Variants in SORCS2 observed in about 807,000 individuals in gnomAD.
SORCS2 encodes the protein sortilin related VPS10 domain containing receptor 2.
A neutral mutation model predicts 141.6 loss-of-function variants in SORCS2; 100 were observed. The ratio of observed to expected loss-of-function variants is 0.71; its 90% confidence interval spans 0.60 to 0.83. SORCS2 has a LOEUF of 0.83. SORCS2 is among the 40% of genes least tolerant of loss of function. The pLI is 0.00. For missense variants in SORCS2, 1,646 were observed against 1,560.2 expected (o/e 1.05, Z -0.93); for synonymous variants, 789 against 676.9 (o/e 1.17, Z -2.57).
intron 2 of SORCS2, among the ~76,000 whole-genome samples, chr4:7,524,640 C>T (rs562783193): frequency 1.1e-4 from 16 of 151,580 alleles, no homozygotes; most frequent in Admixed American, 9.2e-4. Context: ...AGAATAATGG[C>T]CAGATAAGCA....
chr4:7,315,223 A>G (rs1456132430), intron 1 of SORCS2, among the ~76,000 whole-genome samples: 1 of 152,200 alleles, frequency 6.6e-6, no homozygotes, highest in Admixed American at 6.5e-5. Flanking sequence ...CAGCCTCTGC[A>G]GCCCCTGGTT....
chr4:7,443,149 A>T (rs1727783049), intron 2 of SORCS2, among the ~76,000 whole-genome samples: 1 of 152,208 alleles, frequency 6.6e-6, no homozygotes, highest in Non-Finnish European at 1.5e-5. Context: ...CTAGCTCCAA[A>T]TTATGTCAGA....
intron 1 of SORCS2, among the ~76,000 whole-genome samples, chr4:7,351,178 T>C (rs938316254): frequency 2.0e-5 from 3 of 152,216 alleles, no homozygotes; most frequent in Non-Finnish European, 2.9e-5. Flanking sequence ...CTCTGCTGCC[T>C]GAGTCACTGT....
At chr4:7,318,150 T>C (rs1167195622) in intron 1 of SORCS2, among the ~76,000 whole-genome samples, 1 of 152,224 alleles carries the variant, frequency 6.6e-6, no homozygotes, top group East Asian at 1.9e-4. Flanking sequence ...TTTGCATATA[T>C]ACTTGGTTTG....
intron 2 of SORCS2, chr4:7,433,508 C>A (rs1417395386): frequency 1.2e-6 from 2 of 1,604,514 alleles, no homozygotes; most frequent in African/African-American, 1.3e-5. Context: ...GCCACGGGGT[C>A]CATCATGTCC....
intron 1 of SORCS2, among the ~76,000 whole-genome samples, chr4:7,326,071 G>T (rs1245275724): frequency 2.0e-5 from 3 of 152,140 alleles, no homozygotes; most frequent in Non-Finnish European, 4.4e-5. Context: ...AGGGTGTCAG[G>T]ATGGAGAGAT....
chr4:7,632,676 C>T lies in SORCS2; in HGVS notation c.649-5652C>T, dbSNP rs185554619. On this transcript the variant is annotated intron_variant, in intron 3 of 26. Coordinates refer to ENST00000507866, the MANE Select transcript of SORCS2 (RefSeq NM_020777.3). ...AAAGGGCCTGTGATGGAGAAGCAAGCCCTGTACCCAGAGCCCCCCGGCTGT... is the reference window on the plus strand; with the variant it reads ...AAAGGGCCTGTGATGGAGAAGCAAGTCCTGTACCCAGAGCCCCCCGGCTGT... Among the ~76,000 whole-genome samples, 8 of 152,334 alleles carry T rather than the reference C, an allele frequency of 5.3e-5. No individual in the cohort carries two copies. The East Asian group carries it at 9.6e-4, about 18-fold the overall frequency.
At chr4:7,721,203 G>A (rs939096814) in intron 18 of SORCS2, among the ~76,000 whole-genome samples, 10 of 152,192 alleles carry the variant, frequency 6.6e-5, no homozygotes, top group East Asian at 3.9e-4. Context: ...GGTGTCTCAC[G>A]CCTGTGATCC....
rs28531835 is a variant in SORCS2, at chr4:7,715,183, C to A, written c.2124C>A (p.Cys708Ter). 4 of 1,613,524 alleles carry A rather than the reference C, an allele frequency of 2.5e-6. No individual in the cohort carries two copies. Among genetic ancestry groups the A allele is most frequent in the Non-Finnish European group, 3.4e-6 (4 of 1,179,634 alleles). ...TACCACTACTCTTCCCTCCTCCCAG[C>A]GACTACGGATTTGAGCGCTCCTCCT... ...VCECRDSDFL[C>*]DYGFERSSSS... Residue 708 changes from cysteine to a stop codon, truncating the protein, a stop_gained and splice_region_variant, in exon 17 of 27, where the codon TGC (cysteine) becomes TGA (stop). Coordinates refer to ENST00000507866, the MANE Select transcript of SORCS2 (RefSeq NM_020777.3). LOFTEE classifies it high-confidence loss of function.
intron 2 of SORCS2, among the ~76,000 whole-genome samples, chr4:7,472,325 A>G (rs1266096741): frequency 6.6e-6 from 1 of 152,178 alleles, no homozygotes; most frequent in African/African-American, 2.4e-5. Context: ...GGAGGAGGCA[A>G]CAGCTGAGCG....
At chr4:7,355,520 AGGGCCCCAGGT>A in intron 1 of SORCS2, among the ~76,000 whole-genome samples, 1 of 152,154 alleles carries the variant, frequency 6.6e-6, no homozygotes, top group East Asian at 1.9e-4. Flanking sequence ...GTGGTGACGC[AGGGCCCCAGGT>A]GCCTTCACCG....
At chr4:7,390,603 C>T (rs541479011) in intron 1 of SORCS2, among the ~76,000 whole-genome samples, 121 of 152,258 alleles carry the variant, frequency 7.9e-4, no homozygotes, top group African/African-American at 2.7e-3. Context: ...GGGCCATTGC[C>T]GTGCTGCTGA....
At chr4:7,690,328 C>A (rs61257216) in intron 11 of SORCS2, among the ~76,000 whole-genome samples, 3 of 58,578 alleles carry the variant, frequency 5.1e-5, no homozygotes, top group Non-Finnish European at 7.6e-5. Context: ...GATAGGTGGA[C>A]GGGTGGGTGG....
intron 2 of SORCS2, among the ~76,000 whole-genome samples, chr4:7,483,970 G>A (rs536529031): frequency 2.0e-5 from 3 of 152,276 alleles, no homozygotes; most frequent in East Asian, 1.9e-4. Context: ...GAAAGTAGCC[G>A]ATTCAAAATT....
chr4:7,713,368 G>A (rs1387159693), intron 15 of SORCS2, among the ~76,000 whole-genome samples: 1 of 152,084 alleles, frequency 6.6e-6, no homozygotes, highest in East Asian at 1.9e-4. Flanking sequence ...GGGGAAGCCT[G>A]GGATTTCAGA....
intron 3 of SORCS2, among the ~76,000 whole-genome samples, chr4:7,589,323 G>A (rs1013019946): frequency 2.6e-5 from 4 of 152,188 alleles, no homozygotes; most frequent in African/African-American, 7.2e-5. Flanking sequence ...GGTTGTTAGC[G>A]ATGATACCAA....
intron 2 of SORCS2, among the ~76,000 whole-genome samples, chr4:7,511,415 G>A (rs1732635470): frequency 7.1e-6 from 1 of 140,612 alleles, no homozygotes; most frequent in African/African-American, 2.5e-5. Flanking sequence ...GAGAGGGGGA[G>A]GGAGAGAGGG....
intron 1 of SORCS2, among the ~76,000 whole-genome samples, chr4:7,387,693 TACAC>T (rs1295702870): frequency 0.029 from 3,492 of 119,598 alleles, 260 homozygotes; most frequent in African/African-American, 0.12. Context: ...TACACAGAGA[TACAC>T]ACGCACATGC....
At position 7,704,164 on chromosome 4, in the gene SORCS2, C is replaced by T; in HGVS notation, c.1761-13C>T. ...AGCCCACCCCAGAGATGCTGACGAT[C>T]TTCTCCTGGCAGGTTCAGTGTGGAC... is the stretch of plus-strand genomic sequence containing the variant. On this transcript the variant is annotated splice_polypyrimidine_tract_variant and intron_variant, in intron 13 of 26. Transcript: ENST00000507866. 1 of 1,608,486 alleles carries T rather than the reference C, an allele frequency of 6.2e-7. No individual in the cohort carries two copies. Among genetic ancestry groups the T allele is most frequent in the Non-Finnish European group, 8.5e-7 (1 of 1,177,596 alleles).
Sources: gnomAD v4.1 joint callset for allele counts (sites outside exome capture counted in the v4.1 genomes callset) on GRCh38, gnomAD v4.1.1 for gene constraint, MANE v1.5 for transcripts, NCBI Gene and HGNC (gene_info 2026-07-23, HGNC 2026-07-21) for gene names.